The following MSRA variants were observed in gnomAD, a reference collection of about 807,000 sequenced individuals.
MSRA encodes the protein mitochondrial peptide methionine sulfoxide reductase.
Under a neutral mutation model 31.3 loss-of-function variants are expected in MSRA, and 54 were observed. That is an observed-to-expected ratio of 1.73 (90% CI 1.39 to 2.17). The LOEUF (loss-of-function observed/expected upper bound fraction) is 2.17. MSRA is among the 30% of genes most tolerant of loss of function. The pLI, the probability that MSRA is intolerant of heterozygous loss-of-function variation, is 0.00. For synonymous variants in MSRA, 169 were observed against 116.5 expected (o/e 1.45, Z -2.90); for missense variants, 507 against 300.9 (o/e 1.69, Z -5.07).
At chr8:10,245,643 G>A (rs1019273766) in intron 3 of MSRA, among the ~76,000 whole-genome samples, 6 of 152,202 alleles carry the variant, frequency 3.9e-5, no homozygotes, top group African/African-American at 1.4e-4. Flanking sequence ...AGTTGGTGCT[G>A]GCTGCTGGTT....
At chr8:10,250,774 G>A (rs941766419) in intron 3 of MSRA, 14 of 327,064 alleles carry the variant, frequency 4.3e-5, no homozygotes, top group Admixed American at 2.7e-4. Flanking sequence ...TCCTGAGCCC[G>A]TTTCCTCTCT....
At chr8:10,282,075 A>G (rs990349422) in intron 3 of MSRA, among the ~76,000 whole-genome samples, 1 of 152,190 alleles carries the variant, frequency 6.6e-6, no homozygotes, top group African/African-American at 2.4e-5. Flanking sequence ...TGTGGATGGC[A>G]GAGATGCATT....
chr8:10,418,559 G>A (rs1361915526), intron 5 of MSRA, among the ~76,000 whole-genome samples: 1 of 152,088 alleles, frequency 6.6e-6, no homozygotes, highest in Admixed American at 6.5e-5. Context: ...GCAAGTATTT[G>A]ATTGTGAGTT....
chr8:10,058,620 C>T (rs1585059440), intron 1 of MSRA, among the ~76,000 whole-genome samples: 1 of 152,176 alleles, frequency 6.6e-6, no homozygotes, highest in South Asian at 2.1e-4. Flanking sequence ...GAATAAATGG[C>T]TATTTCCTTG....
chr8:10,054,637 A>T lies in MSRA; in HGVS notation c.121A>T (p.Lys41Ter). ...CCCCCAGGAGGCCTTGCCGGGCCGGAAGGAACAGACCCCTGTAGCGGGTAA... is the reference window on the plus strand; with the variant it reads ...CCCCCAGGAGGCCTTGCCGGGCCGGTAGGAACAGACCCCTGTAGCGGGTAA... The part of the protein sequence containing the change: ...VSPQEALPGR[K>*]EQTPVAAKHH... The change falls in exon 1 of 6, where the codon AAG (lysine) becomes TAG (stop). Residue 41 changes from lysine (K) to a stop codon, truncating the protein, a stop_gained. Coordinates refer to ENST00000317173, the MANE Select transcript of MSRA (RefSeq NM_012331.5). LOFTEE classifies it high-confidence loss of function. 1 of 1,575,508 alleles carries T rather than the reference A, an allele frequency of 6.3e-7. No individual in the cohort carries two copies. Among genetic ancestry groups the T allele is most frequent in the Non-Finnish European group, 8.6e-7 (1 of 1,161,568 alleles).
chr8:10,212,575 C>T (rs1809598609), intron 2 of MSRA, among the ~76,000 whole-genome samples: 1 of 152,198 alleles, frequency 6.6e-6, no homozygotes, highest in African/African-American at 2.4e-5. Context: ...TGAATAACTT[C>T]AGTTTGAAAG....
chr8:10,313,093 A>G (rs1366975996), intron 4 of MSRA, among the ~76,000 whole-genome samples: 2 of 152,174 alleles, frequency 1.3e-5, no homozygotes, highest in East Asian at 3.9e-4. Flanking sequence ...GCCGGACACC[A>G]TTCCTCTTCT....
At chr8:10,402,566 C>T (rs1807533127) in intron 5 of MSRA, among the ~76,000 whole-genome samples, 2 of 152,208 alleles carry the variant, frequency 1.3e-5, no homozygotes, top group African/African-American at 4.8e-5. Context: ...GCTGGGAGCC[C>T]AGGCACTCTA....
intron 1 of MSRA, among the ~76,000 whole-genome samples, chr8:10,188,486 A>T (rs1807240131): frequency 6.6e-6 from 1 of 152,216 alleles, no homozygotes; most frequent in South Asian, 2.1e-4. Flanking sequence ...ACAATTACGG[A>T]TTTCGAGTGA....
chr8:10,321,445 C>T (rs866780239), intron 5 of MSRA, among the ~76,000 whole-genome samples: 4 of 152,032 alleles, frequency 2.6e-5, no homozygotes, highest in East Asian at 3.9e-4. Flanking sequence ...CTGAGGGAGG[C>T]GCTGACAGAG....
intron 1 of MSRA, among the ~76,000 whole-genome samples, chr8:10,080,711 T>A (rs76082723): frequency 1.6e-3 from 170 of 107,292 alleles, no homozygotes; most frequent in African/African-American, 4.7e-3. Flanking sequence ...TTTTTTTTTT[T>A]AATTTCTAGT....
rs201643637 is a variant in MSRA at position 10,098,638 on chromosome 8, C to G, written c.142+43980C>G. Among the ~76,000 whole-genome samples the G allele has an allele frequency of 6.6e-5, 10 of 152,320 alleles. No homozygotes were observed. The East Asian group carries it at 9.6e-4, about 15-fold the overall frequency. On this transcript the variant is annotated intron_variant, in intron 1 of 5. Transcript: ENST00000317173. ...ACAAAGTATGTTCACTTTTCTTGCA[C>G]AATACACATATTGTAGAGTGTGATT...
intron 4 of MSRA, among the ~76,000 whole-genome samples, chr8:10,310,528 T>C (rs1272941903): frequency 6.6e-6 from 1 of 152,240 alleles, no homozygotes; most frequent in Non-Finnish European, 1.5e-5. Flanking sequence ...TTACAAGGGT[T>C]TGGTGTCTGC....
chr8:10,085,031 T>C (rs1225753105), intron 1 of MSRA, among the ~76,000 whole-genome samples: 1 of 152,140 alleles, frequency 6.6e-6, no homozygotes, highest in Non-Finnish European at 1.5e-5. Flanking sequence ...AAATCATAAA[T>C]AAATCGTACT....
intron 5 of MSRA, chr8:10,411,604 C>T (rs528541320): frequency 5.9e-5 from 9 of 152,270 alleles, no homozygotes; most frequent in Admixed American, 5.2e-4. Context: ...GCTGGTCAGC[C>T]TGTTTGCAGC....
chr8:10,268,413 G>C (rs1005497806), intron 3 of MSRA, among the ~76,000 whole-genome samples: 3 of 152,162 alleles, frequency 2.0e-5, no homozygotes, highest in Non-Finnish European at 4.4e-5. Context: ...CTCATCTGCA[G>C]GCTTTCACTT....
intron 5 of MSRA, among the ~76,000 whole-genome samples, chr8:10,424,434 T>C (rs1304382644): frequency 4.4e-5 from 6 of 134,854 alleles, no homozygotes; most frequent in African/African-American, 1.7e-4. Flanking sequence ...GAGAAGGGCC[T>C]GGGGTGGAGC....
intron 1 of MSRA, among the ~76,000 whole-genome samples, chr8:10,180,070 G>C (rs1354972614): frequency 6.6e-6 from 1 of 152,056 alleles, no homozygotes; most frequent in African/African-American, 2.4e-5. Flanking sequence ...ACAGCTTAAG[G>C]GACTCAGTCC....
intron 5 of MSRA, among the ~76,000 whole-genome samples, chr8:10,392,507 T>TC (rs946793702): frequency 6.6e-6 from 1 of 152,096 alleles, no homozygotes; most frequent in Non-Finnish European, 1.5e-5. Context: ...TTCCGCTCTT[T>TC]CTCCCCTTCC....
Sources: gnomAD v4.1 joint callset for allele counts (sites outside exome capture counted in the v4.1 genomes callset) on GRCh38, gnomAD v4.1.1 for gene constraint, MANE v1.5 for transcripts, NCBI Gene and HGNC (gene_info 2026-07-23, HGNC 2026-07-21) for gene names.